Variants in SLC9A7 observed in about 807,000 individuals in gnomAD.
SLC9A7 encodes solute carrier family 9 member A7, also known as sodium/hydrogen exchanger 7.
Under a neutral mutation model 52.6 loss-of-function variants are expected in SLC9A7, and 19 were observed. The observed-to-expected ratio is 0.36, with a 90% confidence interval of 0.25 to 0.53. The LOEUF (loss-of-function observed/expected upper bound fraction) is 0.53, where lower values mean the gene tolerates loss of function less well. Ranked by LOEUF, SLC9A7 falls within the 20% of genes least tolerant of loss-of-function variation. The probability of loss-of-function intolerance (pLI) is 0.91; values close to 1 mark genes in which losing one functional copy is unlikely to be tolerated. For missense variants in SLC9A7, 455 were observed against 597.9 expected, an observed-to-expected ratio of 0.76 and a Z score of 2.49; for synonymous variants, 226 against 252.1, an observed-to-expected ratio of 0.90 and a Z score of 0.98.
At chrX:46,652,304 C>T (rs1039808804) in intron 8 of SLC9A7, among the ~76,000 whole-genome samples, 5 of 111,051 alleles carry the variant, frequency 4.5e-5, no homozygotes, top group Non-Finnish European at 9.4e-5. Context: ...ATGCACACCA[C>T]CACACCCAGC....
intron 10 of SLC9A7, among the ~76,000 whole-genome samples, 194 bp downstream of exon 10, chrX:46,650,916 T>G (rs904185698): frequency 9.0e-6 from 1 of 111,547 alleles, no homozygotes; most frequent in African/African-American, 3.3e-5. Context: ...CCTTCTTTTT[T>G]TCATCATAAA....
In SLC9A7 at chrX:46,635,718, A is replaced by G; in HGVS notation, c.1617-70T>C. 5.3e-6 allele frequency: 4 copies of G among 752,761 alleles called. No individual in the cohort carries two copies. The South Asian group carries it at 8.9e-5, about 17-fold the overall frequency. The allele number at this position is 752,761 out of a possible 1,213,427, so 62.0% of individuals were successfully genotyped here. A position where few individuals can be genotyped will look rare whatever the true frequency, so the allele number is the denominator to read the frequency against. On this transcript the variant is annotated intron_variant, in intron 12 of 16. Coordinates refer to ENST00000616978, the MANE Select transcript of SLC9A7 (RefSeq NM_001257291.2). The stretch of plus-strand genomic sequence containing the variant: ...GAGAGCCAGGAGCTCTGGGCAAATG[A>G]TCTGGACCATGTCCACCAGAGAATA...
intron 1 of SLC9A7, among the ~76,000 whole-genome samples, chrX:46,703,027 T>C (rs1172093342): frequency 8.9e-6 from 1 of 112,587 alleles, no homozygotes; most frequent in Admixed American, 9.4e-5. Flanking sequence ...GCTCAAATGA[T>C]CAGTGATAAT....
At chrX:46,686,675 T>C (rs1181207232) in intron 1 of SLC9A7, among the ~76,000 whole-genome samples, 1 of 111,552 alleles carries the variant, frequency 9.0e-6, no homozygotes, top group Non-Finnish European at 1.9e-5. Context: ...ACAGAAGCAC[T>C]AATGATTTGA....
chrX:46,720,703 C>T (rs1220771506), intron 1 of SLC9A7, among the ~76,000 whole-genome samples: 1 of 111,489 alleles, frequency 9.0e-6, no homozygotes, highest in Non-Finnish European at 1.9e-5. Flanking sequence ...CCTCAGAATT[C>T]CCCACATACA....
chrX:46,656,161 C>G (rs1295622321), intron 7 of SLC9A7, among the ~76,000 whole-genome samples: 1 of 111,795 alleles, frequency 8.9e-6, no homozygotes, highest in Non-Finnish European at 1.9e-5. Context: ...AGCTGAGGGT[C>G]CTGTCTGTTA....
intron 1 of SLC9A7, among the ~76,000 whole-genome samples, chrX:46,683,191 A>G (rs889685369): frequency 4.6e-5 from 5 of 108,580 alleles, no homozygotes. Context: ...ACAAGCAGCA[A>G]AGATTTTTCT....
chrX:46,696,777 C>T (rs943853369), intron 1 of SLC9A7, among the ~76,000 whole-genome samples: 3 of 112,073 alleles, frequency 2.7e-5, no homozygotes, highest in Admixed American at 9.5e-5. Context: ...TTCTAAGCAT[C>T]TTAGGCATAT....
intron 12 of SLC9A7, among the ~76,000 whole-genome samples, chrX:46,636,379 A>G (rs1389065283): frequency 9.0e-6 from 1 of 110,881 alleles, no homozygotes; most frequent in Non-Finnish European, 1.9e-5. Flanking sequence ...GGTGACCCGC[A>G]TGGTGCACTC....
intron 7 of SLC9A7, among the ~76,000 whole-genome samples, chrX:46,656,796 C>T (rs2146797312): frequency 9.1e-6 from 1 of 110,334 alleles, no homozygotes; most frequent in African/African-American, 3.3e-5. Context: ...GGAAAACACT[C>T]TGCAGGATAT....
intron 1 of SLC9A7, among the ~76,000 whole-genome samples, chrX:46,717,360 A>C (rs1455883391): frequency 8.9e-6 from 1 of 111,963 alleles, no homozygotes; most frequent in Non-Finnish European, 1.9e-5. Flanking sequence ...TAAATGTCCC[A>C]AAAAATACTG....
intron 1 of SLC9A7, among the ~76,000 whole-genome samples, chrX:46,746,448 CA>C (rs572821719): frequency 1.7e-4 from 18 of 105,828 alleles, no homozygotes; most frequent in East Asian, 2.9e-4. Context: ...AACTTAACAG[CA>C]AAAAAAAAAT....
chrX:46,717,431 G>A (rs1944785712), intron 1 of SLC9A7, among the ~76,000 whole-genome samples: 1 of 111,962 alleles, frequency 8.9e-6, no homozygotes, highest in African/African-American at 3.2e-5. Context: ...CCAGGCTGGA[G>A]TGCAGTGGCA....
intron 7 of SLC9A7, among the ~76,000 whole-genome samples, chrX:46,660,922 G>A (rs1320146337): frequency 7.4e-5 from 8 of 108,538 alleles, no homozygotes; most frequent in African/African-American, 1.4e-4. Context: ...ACATGCACAC[G>A]TATGTTTATT....
chrX:46,725,486 C>A (rs1403081681), intron 1 of SLC9A7: 5 of 1,021,974 alleles, frequency 4.9e-6, no homozygotes, highest in Non-Finnish European at 6.9e-6. Flanking sequence ...CCTTTACTCC[C>A]AGTTTCATAG....
intron 14 of SLC9A7, among the ~76,000 whole-genome samples, chrX:46,631,023 C>T (rs777754470): frequency 1.3e-4 from 15 of 112,251 alleles, no homozygotes; most frequent in Admixed American, 2.8e-4. Flanking sequence ...GCCCAGGTGC[C>T]AGACATATGA....
intron 6 of SLC9A7, 57 bp from the exon 7 acceptor site, chrX:46,662,214 T>C: frequency 9.4e-7 from 1 of 1,058,694 alleles, no homozygotes; most frequent in Non-Finnish European, 1.3e-6. Context: ...TACACTATGG[T>C]ACTTGAAAAT....
Position 46,635,580 on chromosome X carries a change from T to C in SLC9A7, c.1676+9A>G, listed in dbSNP as rs760872685. On this transcript the variant is annotated intron_variant, in intron 13 of 16. Transcript: ENST00000616978. ...CAGTTAATTTTTTCTGAGGATGCCCTTGTGTCACCTGAAGTACTGCCAGTG... is the reference window on the plus strand; with the variant it reads ...CAGTTAATTTTTTCTGAGGATGCCCCTGTGTCACCTGAAGTACTGCCAGTG... The C allele has an allele frequency of 1.7e-6, 2 of 1,202,069 alleles. No homozygotes were observed. The highest frequency in any genetic ancestry group is 2.3e-6 in the Non-Finnish European group (2 of 887,256).
intron 15 of SLC9A7, among the ~76,000 whole-genome samples, chrX:46,614,574 A>G (rs1569499758): frequency 8.9e-6 from 1 of 111,817 alleles, no homozygotes; most frequent in Non-Finnish European, 1.9e-5. Flanking sequence ...GTCTTCAAAA[A>G]ATTGCCAAAT....
Sources: allele counts gnomAD v4.1 joint callset (sites outside exome capture counted in the v4.1 genomes callset), GRCh38; gene constraint gnomAD v4.1.1; transcripts MANE v1.5; gene names NCBI Gene and HGNC (gene_info 2026-07-23, HGNC 2026-07-21).